VDAC1: variants seen among roughly 807,000 people sequenced by gnomAD.
VDAC1 encodes non-selective voltage-gated ion channel VDAC1.
A neutral mutation model predicts 34.7 loss-of-function variants in VDAC1; 10 were observed. That is an observed-to-expected ratio of 0.29 (90% CI 0.18 to 0.49). VDAC1 has a LOEUF of 0.49. Among genes scored for constraint, VDAC1 ranks in the 20% least tolerant of loss-of-function variants. The pLI is 0.99. For synonymous variants in VDAC1, 130 were observed against 136.0 expected, an observed-to-expected ratio of 0.96 and a Z score of 0.30; for missense variants, 230 against 347.9, an observed-to-expected ratio of 0.66 and a Z score of 2.69.
At chr5:134,100,929 C>T in the VDAC1 span, among the ~76,000 whole-genome samples, 5 of 152,270 alleles carry the variant, frequency 3.3e-5, no homozygotes, top group Non-Finnish European at 7.3e-5. Flanking sequence ...GGAGCAGTTG[C>T]TGCCTTGCAG....
chr5:134,049,635 C>T, the VDAC1 span, among the ~76,000 whole-genome samples: 2 of 152,060 alleles, frequency 1.3e-5, no homozygotes, highest in Non-Finnish European at 1.5e-5. Flanking sequence ...CAGGAGGGAG[C>T]GTAGTGTGAT....
the VDAC1 span, among the ~76,000 whole-genome samples, chr5:134,081,187 G>A: frequency 0.011 from 1,749 of 152,166 alleles, 27 homozygotes; most frequent in African/African-American, 0.039. Flanking sequence ...ACAGGCATGC[G>A]CCACCAAACA....
At chr5:134,087,683 C>T in the VDAC1 span, among the ~76,000 whole-genome samples, 283 of 151,686 alleles carry the variant, frequency 1.9e-3, 1 homozygote, top group African/African-American at 6.6e-3. Context: ...GGTGAAACCC[C>T]CGTCTCTACT....
chr5:134,009,771 T>A (rs1044266878), upstream of VDAC1, among the ~76,000 whole-genome samples: 3 of 151,936 alleles, frequency 2.0e-5, no homozygotes, highest in African/African-American at 7.3e-5. Context: ...AACCTCCACC[T>A]CCCGAGTTAA....
chr5:134,044,755 A>G, the VDAC1 span, among the ~76,000 whole-genome samples: 2 of 152,134 alleles, frequency 1.3e-5, no homozygotes, highest in African/African-American at 4.8e-5. Flanking sequence ...TTGTCTGTGT[A>G]TGTGTGCTAC....
chr5:134,006,504 A>G (rs1753753301), upstream of VDAC1, among the ~76,000 whole-genome samples: 2 of 152,108 alleles, frequency 1.3e-5, no homozygotes, highest in South Asian at 4.1e-4. Context: ...GTACTTTGGG[A>G]GGCCGAGACA....
chr5:134,022,569 T>C, the VDAC1 span, among the ~76,000 whole-genome samples: 2 of 152,158 alleles, frequency 1.3e-5, no homozygotes, highest in Non-Finnish European at 2.9e-5. Context: ...TAATCGTCTC[T>C]TAAGAGTCCT....
chr5:134,046,995 GAC>G, the VDAC1 span, among the ~76,000 whole-genome samples: 1 of 152,210 alleles, frequency 6.6e-6, no homozygotes, highest in African/African-American at 2.4e-5. Flanking sequence ...CCTGCCCAGA[GAC>G]ACACCCTAAT....
chr5:134,082,982 G>A, the VDAC1 span, among the ~76,000 whole-genome samples: 1 of 152,138 alleles, frequency 6.6e-6, no homozygotes, highest in African/African-American at 2.4e-5. Context: ...TACAATTGAT[G>A]GCTTTTATAG....
intron 5 of VDAC1, among the ~76,000 whole-genome samples, chr5:133,982,251 T>C (rs534130092): frequency 6.6e-6 from 1 of 152,318 alleles, no homozygotes; most frequent in South Asian, 2.1e-4. Flanking sequence ...CAGTGGCTCA[T>C]GCCAGTAATT....
At chr5:133,998,297 T>C (rs11954900) in intron 1 of VDAC1, among the ~76,000 whole-genome samples, 23,518 of 152,154 alleles carry the variant, frequency 0.15, 1,991 homozygotes, top group East Asian at 0.32. Context: ...GCACTTCAAA[T>C]CGAATTTTCA....
chr5:134,072,196 T>C, the VDAC1 span, among the ~76,000 whole-genome samples: 2 of 152,132 alleles, frequency 1.3e-5, no homozygotes, highest in African/African-American at 4.8e-5. Flanking sequence ...GCACCTACTA[T>C]ATATTAGATG....
At chr5:134,103,902 C>T in the VDAC1 span, among the ~76,000 whole-genome samples, 1 of 152,168 alleles carries the variant, frequency 6.6e-6, no homozygotes, top group African/African-American at 2.4e-5. Context: ...GAGCGCTGCT[C>T]GGCTCCTAGG....
chr5:134,088,846 C>T, the VDAC1 span, among the ~76,000 whole-genome samples: 2 of 152,198 alleles, frequency 1.3e-5, no homozygotes, highest in Non-Finnish European at 2.9e-5. Flanking sequence ...TTACCTCTCC[C>T]CTAACACCAT....
chr5:134,018,701 C>T, the VDAC1 span, among the ~76,000 whole-genome samples: 1 of 152,100 alleles, frequency 6.6e-6, no homozygotes, highest in Non-Finnish European at 1.5e-5. Flanking sequence ...CTGGCCACAC[C>T]AGATAAACGA....
At chr5:134,086,603 T>A in the VDAC1 span, among the ~76,000 whole-genome samples, 28 of 152,346 alleles carry the variant, frequency 1.8e-4, 2 homozygotes, top group African/African-American at 6.7e-4. Context: ...TCCCACCATT[T>A]TCCTCCTGTC....
chr5:134,003,259 C>G (rs1399442630), intron 1 of VDAC1, among the ~76,000 whole-genome samples: 1 of 152,188 alleles, frequency 6.6e-6, no homozygotes, highest in African/African-American at 2.4e-5. Context: ...TGGTCCAGAG[C>G]TGGGGTGGGC....
the VDAC1 span, among the ~76,000 whole-genome samples, chr5:134,113,093 C>T: frequency 6.6e-6 from 1 of 152,210 alleles, no homozygotes; most frequent in African/African-American, 2.4e-5. Flanking sequence ...CGTCCCTGTA[C>T]CTCTCCCCTC....
At chr5:134,055,670 C>T in the VDAC1 span, among the ~76,000 whole-genome samples, 41 of 143,858 alleles carry the variant, frequency 2.9e-4, no homozygotes, top group Non-Finnish European at 3.9e-4. Flanking sequence ...TCAGGTGATC[C>T]GCCCGCCATG....
Sources: allele counts gnomAD v4.1 joint callset (sites outside exome capture counted in the v4.1 genomes callset), GRCh38; gene constraint gnomAD v4.1.1; transcripts MANE v1.5; gene names NCBI Gene and HGNC (gene_info 2026-07-23, HGNC 2026-07-21).